The following OLFM3 variants were observed in gnomAD, a reference collection of about 807,000 sequenced individuals.
The protein encoded by OLFM3 is olfactomedin 3, also known as noelin-3.
A neutral mutation model predicts 48.6 loss-of-function variants in OLFM3; 20 were observed. The observed-to-expected ratio is 0.41, with a 90% CI of 0.29 to 0.60. OLFM3 has a LOEUF of 0.60. OLFM3 is among the 20% of genes least tolerant of loss of function. The pLI, the probability that OLFM3 is intolerant of heterozygous loss-of-function variation, is 0.28. For synonymous variants in OLFM3, 222 were observed against 198.1 expected (o/e 1.12, Z -1.01); for missense variants, 437 against 544.3 (o/e 0.80, Z 1.96).
At chr1:101,905,055 G>T (rs1179179044) in intron 1 of OLFM3, among the ~76,000 whole-genome samples, 1 of 152,098 alleles carries the variant, frequency 6.6e-6, no homozygotes, top group African/African-American at 2.4e-5. Flanking sequence ...TTGGTAGTGA[G>T]GTTGTGGCAA....
chr1:101,943,587 G>C (rs1256508104), intron 1 of OLFM3, among the ~76,000 whole-genome samples: 1 of 152,182 alleles, frequency 6.6e-6, no homozygotes, highest in African/African-American at 2.4e-5. Context: ...TTCTCTTGAA[G>C]ATTTCAAAAC....
intron 1 of OLFM3, among the ~76,000 whole-genome samples, chr1:101,986,735 T>C (rs980651029): frequency 3.3e-5 from 5 of 152,168 alleles, no homozygotes; most frequent in Admixed American, 1.3e-4. Flanking sequence ...TGCCTTTTCC[T>C]TTCTTCTATT....
chr1:101,875,569 A>C (rs1657264667), intron 1 of OLFM3, among the ~76,000 whole-genome samples: 1 of 152,036 alleles, frequency 6.6e-6, no homozygotes, highest in Non-Finnish European at 1.5e-5. Context: ...TTAAAAAAAT[A>C]AAATGTATAT....
At chr1:101,836,630 T>C (rs1655425381) in intron 2 of OLFM3, among the ~76,000 whole-genome samples, 1 of 150,930 alleles carries the variant, frequency 6.6e-6, no homozygotes, top group African/African-American at 2.4e-5. Context: ...CAACTAGAGA[T>C]TAAGATATAT....
chr1:101,833,830 C>T (rs970400854), intron 2 of OLFM3, among the ~76,000 whole-genome samples: 3 of 152,054 alleles, frequency 2.0e-5, no homozygotes, highest in Non-Finnish European at 4.4e-5. Context: ...TTAACAAAAA[C>T]TTTAGTAGTA....
At chr1:101,911,638 G>A (rs1658763125) in intron 1 of OLFM3, among the ~76,000 whole-genome samples, 1 of 152,164 alleles carries the variant, frequency 6.6e-6, no homozygotes, top group Non-Finnish European at 1.5e-5. Flanking sequence ...AGTTGAGACA[G>A]CAATGAGCTT....
intron 4 of OLFM3, among the ~76,000 whole-genome samples, chr1:101,818,774 C>T (rs1654460995): frequency 6.6e-6 from 1 of 152,096 alleles, no homozygotes; most frequent in African/African-American, 2.4e-5. Context: ...CCCCCAAAAG[C>T]TTTTTGGCTT....
intron 1 of OLFM3, among the ~76,000 whole-genome samples, chr1:101,844,461 T>C (rs769945010): frequency 6.6e-6 from 1 of 152,162 alleles, no homozygotes; most frequent in Non-Finnish European, 1.5e-5. Context: ...GAAATAGCTT[T>C]GTTGAGTAGG....
chr1:101,855,767 G>A (rs1441685292), intron 1 of OLFM3, among the ~76,000 whole-genome samples: 2 of 152,056 alleles, frequency 1.3e-5, no homozygotes, highest in African/African-American at 4.8e-5. Context: ...AGACTGAAGT[G>A]TTAAATTATT....
intron 1 of OLFM3, among the ~76,000 whole-genome samples, chr1:101,923,910 T>C (rs533136939): frequency 8.7e-4 from 132 of 152,302 alleles, no homozygotes; most frequent in African/African-American, 3.1e-3. Context: ...CTTAGAAATA[T>C]AACTGTGATA....
chr1:101,870,122 C>T (rs367821868), intron 1 of OLFM3, among the ~76,000 whole-genome samples: 1 of 151,754 alleles, frequency 6.6e-6, no homozygotes, highest in African/African-American at 2.4e-5. Context: ...TTAAATAGTC[C>T]CAATAGATAG....
intron 3 of OLFM3, among the ~76,000 whole-genome samples, chr1:101,826,236 C>T (rs1228573161): frequency 6.6e-6 from 1 of 151,960 alleles, no homozygotes; most frequent in Non-Finnish European, 1.5e-5. Flanking sequence ...AGCACGCCTA[C>T]AGTTTCACCT....
chr1:101,862,997 T>G (rs558400243), intron 1 of OLFM3, among the ~76,000 whole-genome samples: 3 of 151,934 alleles, frequency 2.0e-5, no homozygotes, highest in African/African-American at 7.2e-5. Flanking sequence ...TAATTAGTTT[T>G]TTTTTTTTTT....
intron 1 of OLFM3, among the ~76,000 whole-genome samples, chr1:101,945,502 G>A (rs78075366): frequency 0.047 from 7,145 of 152,176 alleles, 556 homozygotes; most frequent in African/African-American, 0.16. Context: ...TGGGAGGAGG[G>A]TTAGGAAGAA....
chr1:101,954,726 T>C (rs1221890910), intron 1 of OLFM3, among the ~76,000 whole-genome samples: 4 of 152,110 alleles, frequency 2.6e-5, no homozygotes, highest in Admixed American at 1.3e-4. Context: ...ATGAAGTCCA[T>C]CCTCTTTTAT....
At chr1:101,946,835 T>A (rs1659979266) in intron 1 of OLFM3, among the ~76,000 whole-genome samples, 2 of 152,200 alleles carry the variant, frequency 1.3e-5, no homozygotes, top group Non-Finnish European at 2.9e-5. Context: ...TCGTATATTT[T>A]AAATAAGTGT....
intron 3 of OLFM3, among the ~76,000 whole-genome samples, chr1:101,827,839 G>T (rs1319949224): frequency 6.6e-6 from 1 of 152,120 alleles, no homozygotes; most frequent in Non-Finnish European, 1.5e-5. Flanking sequence ...GATATGGTTT[G>T]GCTCTGTGTC....
In OLFM3 at chr1:101,825,299, T is replaced by C. The variant is rs999431186; in HGVS notation, c.373-54A>G. The C allele has an allele frequency of 2.2e-6, 3 of 1,336,878 alleles. No individual in the cohort carries two copies. The African/African-American group carries it at 4.4e-5, about 19-fold the overall frequency. The allele number at this position is 1,336,878 out of a possible 1,614,324, so 82.8% of individuals were successfully genotyped here. A position where few individuals can be genotyped will look rare whatever the true frequency, so the allele number is the denominator to read the frequency against. ...AGTCATTTAAAACAGATCATGCTGC[T>C]CTGTTCTTTTTATTATGATACTTAA... On this transcript the variant is annotated intron_variant, in intron 3 of 5. Coordinates refer to ENST00000370103, the MANE Select transcript of OLFM3 (RefSeq NM_058170.4).
At chr1:101,890,368 CACACAT>C (rs1360861612) in intron 1 of OLFM3, among the ~76,000 whole-genome samples, 1 of 151,914 alleles carries the variant, frequency 6.6e-6, no homozygotes, top group African/African-American at 2.4e-5. Flanking sequence ...CACACACACA[CACACAT>C]ACACACAGAA....
Sources: allele counts gnomAD v4.1 joint callset (sites outside exome capture counted in the v4.1 genomes callset), GRCh38; gene constraint gnomAD v4.1.1; transcripts MANE v1.5; gene names NCBI Gene and HGNC (gene_info 2026-07-23, HGNC 2026-07-21).